Variants in CTNND2 observed in about 807,000 individuals in gnomAD.
CTNND2 encodes the protein catenin delta 2.
Under a neutral mutation model 144.4 loss-of-function variants are expected in CTNND2, and 22 were observed. The observed-to-expected ratio is 0.15, with a 90% CI of 0.11 to 0.22. The LOEUF is 0.22. Ranked by LOEUF, CTNND2 falls within the 10% of genes least tolerant of loss-of-function variation. The pLI is 1.00. For synonymous variants in CTNND2, 751 were observed against 695.6 expected, an observed-to-expected ratio of 1.08 and a Z score of -1.25; for missense variants, 1,353 against 1,618.8, an observed-to-expected ratio of 0.84 and a Z score of 2.82.
intron 1 of CTNND2, among the ~76,000 whole-genome samples, chr5:11,881,023 A>T (rs1418501983): frequency 2.0e-5 from 3 of 148,766 alleles, no homozygotes; most frequent in Admixed American, 6.7e-5. Flanking sequence ...TACTACTACC[A>T]CTACTACTGC....
rs1448936603 is a variant in CTNND2, at chr5:11,869,412, G to T, written c.37+34405C>A. Among the ~76,000 whole-genome samples, 6 of 152,192 alleles carry T rather than the reference G, an allele frequency of 3.9e-5. 1 individual carries two copies. Among genetic ancestry groups the T allele is most frequent in the Admixed American group, 2.6e-4 (4 of 15,280 alleles). On this transcript the variant is annotated intron_variant, in intron 1 of 21. Transcript: ENST00000304623. Reference sequence around the variant, plus strand: ...CTGACATAAGAAGGTGCCAACTTCTGACACATGCCACAACATGGATTAACC... The same window carrying T: ...CTGACATAAGAAGGTGCCAACTTCTTACACATGCCACAACATGGATTAACC...
chr5:11,595,101 G>C (rs561541673), intron 2 of CTNND2, among the ~76,000 whole-genome samples: 2 of 152,334 alleles, frequency 1.3e-5, no homozygotes, highest in Non-Finnish European at 2.9e-5. Context: ...ATCCTTGCAA[G>C]GAGTAAGATT....
At chr5:11,416,815 G>T (rs1028556623) in intron 3 of CTNND2, among the ~76,000 whole-genome samples, 2 of 152,104 alleles carry the variant, frequency 1.3e-5, no homozygotes, top group African/African-American at 4.8e-5. Flanking sequence ...CTGCTGAAAT[G>T]CTATTTTATG....
chr5:11,396,110 C>T (rs1458701879), intron 6 of CTNND2, among the ~76,000 whole-genome samples: 1 of 152,070 alleles, frequency 6.6e-6, no homozygotes, highest in African/African-American at 2.4e-5. Flanking sequence ...AGATAGTGCC[C>T]AATAAATGCA....
Position 10,992,573 on chromosome 5 carries a change from G to T in CTNND2, c.3189C>A (p.Arg1063=), listed in dbSNP as rs545142229. 3.7e-6 allele frequency: 6 copies of T among 1,614,084 alleles called. No individual in the cohort carries two copies. The East Asian group carries it at 1.3e-4, about 36-fold the overall frequency. Reference sequence around the variant, plus strand: ...TACCTGAGCGGTTGTTGGGAGACACGCGCACAGGGGAGATGGAGGGCGTGC... The same window carrying T: ...TACCTGAGCGGTTGTTGGGAGACACTCGCACAGGGGAGATGGAGGGCGTGC... The part of the protein sequence containing the change: ...SSRTPSISPV[R]VSPNNRSASA... The change falls in exon 19 of 22, where the codon CGC becomes CGA. Residue 1063 remains arginine (R), a synonymous_variant. Coordinates refer to ENST00000304623, the MANE Select transcript of CTNND2 (RefSeq NM_001332.4).
At chr5:11,778,823 T>C (rs1353803723) in intron 1 of CTNND2, among the ~76,000 whole-genome samples, 2 of 152,222 alleles carry the variant, frequency 1.3e-5, no homozygotes, top group Non-Finnish European at 1.5e-5. Flanking sequence ...AAATGTACCA[T>C]GCGAATGCAA....
intron 1 of CTNND2, among the ~76,000 whole-genome samples, chr5:11,754,243 A>C (rs1197163834): frequency 6.6e-6 from 1 of 150,492 alleles, no homozygotes; most frequent in East Asian, 2.0e-4. Context: ...TTGATTTTCT[A>C]GTTTCTCTAG....
chr5:11,066,043 CTTTT>C (rs34270980), intron 16 of CTNND2, among the ~76,000 whole-genome samples: 1 of 142,924 alleles, frequency 7.0e-6, no homozygotes, highest in Non-Finnish European at 1.5e-5. Context: ...AATCTTTTAT[CTTTT>C]TTTTTTTTTT....
intron 15 of CTNND2, among the ~76,000 whole-genome samples, chr5:11,090,419 T>C (rs547867474): frequency 5.3e-5 from 8 of 152,324 alleles, no homozygotes; most frequent in Non-Finnish European, 1.0e-4. Context: ...CAGACCAGTA[T>C]TGTGGCCTGT....
intron 9 of CTNND2, among the ~76,000 whole-genome samples, chr5:11,313,792 G>T (rs564809684): frequency 6.6e-6 from 1 of 152,134 alleles, no homozygotes; most frequent in Admixed American, 6.5e-5. Context: ...TTATGGTTCC[G>T]CAGGCTGTAC....
intron 15 of CTNND2, among the ~76,000 whole-genome samples, chr5:11,089,764 C>T (rs1419208207): frequency 6.6e-6 from 1 of 152,234 alleles, no homozygotes. Flanking sequence ...AATCCGAGCA[C>T]TTTCGGAGGC....
intron 10 of CTNND2, among the ~76,000 whole-genome samples, chr5:11,236,485 C>T (rs1216059284): frequency 2.0e-5 from 3 of 152,106 alleles, no homozygotes; most frequent in Non-Finnish European, 2.9e-5. Flanking sequence ...CTCTGTTCCT[C>T]GGTATTCAAA....
At chr5:11,510,231 T>G (rs1412141199) in intron 3 of CTNND2, among the ~76,000 whole-genome samples, 1 of 152,152 alleles carries the variant, frequency 6.6e-6, no homozygotes, top group Non-Finnish European at 1.5e-5. Context: ...AATGAGCCAC[T>G]GTCCCATACC....
chr5:11,192,230 G>C (rs1057146777), intron 11 of CTNND2, among the ~76,000 whole-genome samples: 1 of 152,138 alleles, frequency 6.6e-6, no homozygotes, highest in African/African-American at 2.4e-5. Flanking sequence ...ATGAACCTTT[G>C]CCTGGACTTA....
intron 2 of CTNND2, among the ~76,000 whole-genome samples, chr5:11,566,826 T>C (rs1468698122): frequency 2.0e-5 from 3 of 152,342 alleles, no homozygotes; most frequent in South Asian, 2.1e-4. Context: ...CAATGGGAGA[T>C]GACTTTCTCG....
chr5:11,500,821 G>A (rs1018469652), intron 3 of CTNND2, among the ~76,000 whole-genome samples: 1 of 152,148 alleles, frequency 6.6e-6, no homozygotes, highest in African/African-American at 2.4e-5. Flanking sequence ...AACATAAATA[G>A]AATTGATTTT....
chr5:11,721,453 T>C (rs1786675993), intron 2 of CTNND2, among the ~76,000 whole-genome samples: 2 of 152,196 alleles, frequency 1.3e-5, no homozygotes, highest in South Asian at 2.1e-4. Context: ...TGACTGATTT[T>C]TTATAAACAT....
intron 2 of CTNND2, among the ~76,000 whole-genome samples, chr5:11,712,721 G>GT (rs1483092216): frequency 3.3e-5 from 5 of 152,052 alleles, no homozygotes; most frequent in Non-Finnish European, 7.4e-5. Flanking sequence ...AAAGAAGAGG[G>GT]TAAAATAAAA....
At chr5:11,067,061 C>T (rs1747700461) in intron 16 of CTNND2, among the ~76,000 whole-genome samples, 5 of 152,108 alleles carry the variant, frequency 3.3e-5, no homozygotes, top group Admixed American at 3.3e-4. Context: ...GGGACAGGGC[C>T]TGGGGAAGGG....
Sources: gnomAD v4.1 joint callset for allele counts (sites outside exome capture counted in the v4.1 genomes callset) on GRCh38, gnomAD v4.1.1 for gene constraint, MANE v1.5 for transcripts, NCBI Gene and HGNC (gene_info 2026-07-23, HGNC 2026-07-21) for gene names.